Variants in AFG3L2 observed in about 807,000 individuals in gnomAD.
The protein encoded by AFG3L2 is mitochondrial inner membrane m-AAA protease component AFG3L2.
Under a neutral mutation model 94.5 loss-of-function variants are expected in AFG3L2, and 54 were observed. That is an observed-to-expected ratio of 0.57 (90% CI 0.46 to 0.72). The LOEUF is 0.72. Among genes scored for constraint, AFG3L2 ranks in the 30% least tolerant of loss-of-function variants. The pLI is 0.00. For missense variants in AFG3L2, 754 were observed against 994.9 expected, an observed-to-expected ratio of 0.76 and a Z score of 3.26; for synonymous variants, 377 against 365.5, an observed-to-expected ratio of 1.03 and a Z score of -0.36.
rs1327269134 is a variant in AFG3L2, at chr18:12,366,762, G to T, written c.552+203C>A. Among the ~76,000 whole-genome samples the T allele has an allele frequency of 2.0e-5, 3 of 152,340 alleles. No individual in the cohort carries two copies. In the East Asian group the frequency reaches 5.8e-4, roughly 29 times the overall value. On this transcript the variant is annotated intron_variant, in intron 5 of 16. Coordinates refer to ENST00000269143, the MANE Select transcript of AFG3L2 (RefSeq NM_006796.3). Reference sequence around the variant, plus strand: ...AGTTCTGGGAGGTAGTGAAATAAAAGAATTTGTGGGTAAATTTGAGGACAC... The same window carrying T: ...AGTTCTGGGAGGTAGTGAAATAAAATAATTTGTGGGTAAATTTGAGGACAC...
At position 12,370,862 on chromosome 18, in the gene AFG3L2, C is replaced by T. The variant is rs1207533781; in HGVS notation, c.279G>A (p.Met93Ile). The stretch of plus-strand genomic sequence containing the variant: ...GTCAAAAGGTACCTTTTTTCTCTCC[C>T]ATAACTTCTTTAGGTTCACTAGCTT... ...GKKASEPKEV[M>I]GEKKESKPAA... The change falls in exon 3 of 17, where the codon ATG (methionine) becomes ATA (isoleucine). Residue 93 changes from methionine to isoleucine, a missense_variant. Physicochemically the swap from Met to Ile is conservative, Grantham distance 10. Around this residue, in one of 4 missense-constraint regions of AFG3L2, gnomAD observed 236 missense variants for 214.0 expected, o/e 1.10. Transcript: ENST00000269143. The T allele has an allele frequency of 6.9e-6, 11 of 1,583,558 alleles. 1 individual carries two copies. The East Asian group carries it at 1.3e-4, about 19-fold the overall frequency.
At chr18:12,370,076 A>AT (rs1908933020) in intron 3 of AFG3L2, among the ~76,000 whole-genome samples, 2 of 151,178 alleles carry the variant, frequency 1.3e-5, no homozygotes, top group Non-Finnish European at 2.9e-5. Flanking sequence ...AAAAAAAAAA[A>AT]AAGCAAGGAA....
chr18:12,329,622 C>A lies in AFG3L2; in HGVS notation c.2337G>T (p.Trp779Cys). 6.2e-7 allele frequency: 1 copy of A among 1,614,192 alleles called. No individual in the cohort carries two copies. The highest frequency in any genetic ancestry group is 1.1e-5 in the South Asian group (1 of 91,082). ...CTTTCTCCTTTTCCCGCTCCTTGTT[C>A]CAGTCCTTAAGGCCTTCTGGAAGTG... is the stretch of plus-strand genomic sequence containing the variant. The part of the protein sequence containing the change: ...DTSLPEGLKD[W>C]NKEREKEKEE... The change falls in exon 17 of 17, where the codon TGG becomes TGT. Residue 779 changes from tryptophan to cysteine, a missense_variant. By Grantham distance (215) the Trp-to-Cys change is radical (BLOSUM62 -2). This residue lies in a region of AFG3L2 where 279 missense variants were observed against 378.6 expected (regional missense o/e 0.74). Coordinates refer to ENST00000269143, the MANE Select transcript of AFG3L2 (RefSeq NM_006796.3).
intron 1 of AFG3L2, among the ~76,000 whole-genome samples, 161 bp from the exon 2 acceptor site, chr18:12,371,852 CACTAGGCCACTGATTCCAGCAAA>C (rs1477092651): frequency 2.6e-5 from 4 of 152,176 alleles, no homozygotes; most frequent in African/African-American, 9.7e-5. Flanking sequence ...GATTACCTAG[CACTAGGCCACTGATTCCAGCAAA>C]AGAACCAGGA....
At chr18:12,344,844 G>A (rs73398081) in intron 13 of AFG3L2, among the ~76,000 whole-genome samples, 3,900 of 152,150 alleles carry the variant, frequency 0.026, 153 homozygotes, top group African/African-American at 0.09. Flanking sequence ...TCACTTTTAA[G>A]CCACACACCC....
At chr18:12,335,786 T>G (rs1199780434) in intron 16 of AFG3L2, among the ~76,000 whole-genome samples, 1 of 152,228 alleles carries the variant, frequency 6.6e-6, no homozygotes, top group African/African-American at 2.4e-5. Flanking sequence ...ACTCTGCCCA[T>G]GCTGGCCTTT....
intron 9 of AFG3L2, 111 bp downstream of exon 9, chr18:12,356,583 A>T: frequency 1.3e-6 from 2 of 1,490,184 alleles, no homozygotes; most frequent in Non-Finnish European, 1.9e-6. Flanking sequence ...GGGACTGGTG[A>T]GAGGTCACTC....
Position 12,374,153 on chromosome 18 carries a change from G to A in AFG3L2, c.115-2462C>T, listed in dbSNP as rs1909072549. 3.9e-5 allele frequency among the ~76,000 whole-genome samples: 6 copies of A among 152,270 alleles called. No individual in the cohort carries two copies. In the South Asian group the frequency reaches 1.2e-3, roughly 32 times the overall value. On this transcript the variant is annotated intron_variant, in intron 1 of 16. Transcript: ENST00000269143. ...AATCCGTGACTGAATTTAACACTGA[G>A]GTTGTGTTCTATGAAGAAATCATCA...
chr18:12,332,123 ATTTTTT>A lies in AFG3L2; in HGVS notation c.2176-2346_2176-2341del, dbSNP rs10689491. ...AATTATAAGTTGATCTCATAAAATG[ATTTTTT>A]TTTTTTTTTTTTGAGACAGAGTCTT... On this transcript the variant is annotated intron_variant, in intron 16 of 16. Transcript: ENST00000269143. Among the ~76,000 whole-genome samples the A allele has an allele frequency of 3.0e-5, 4 of 131,712 alleles. No individual in the cohort carries two copies. The Admixed American group carries it at 3.2e-4, about 10-fold the overall frequency. 86.4% of individuals were successfully genotyped at this position (131,712 alleles called of 152,430 possible).
At chr18:12,361,808 T>C (rs943337112) in intron 6 of AFG3L2, among the ~76,000 whole-genome samples, 1 of 152,218 alleles carries the variant, frequency 6.6e-6, no homozygotes, top group African/African-American at 2.4e-5. Flanking sequence ...AACATAACAG[T>C]ATTTGGTAAA....
chr18:12,351,642 G>C (rs2143166736), intron 10 of AFG3L2, among the ~76,000 whole-genome samples: 1 of 151,964 alleles, frequency 6.6e-6, no homozygotes, highest in Admixed American at 6.6e-5. Flanking sequence ...CGCTTCCCAG[G>C]TTCAAGCAAT....
At chr18:12,354,484 C>T (rs1418169061) in intron 9 of AFG3L2, among the ~76,000 whole-genome samples, 1 of 152,194 alleles carries the variant, frequency 6.6e-6, no homozygotes, top group Non-Finnish European at 1.5e-5. Flanking sequence ...AGGCACTCCA[C>T]CCCACTGTGC....
Position 12,348,364 on chromosome 18 carries a change from G to A in AFG3L2, c.1572C>T (p.Val524=), listed in dbSNP as rs1439215739. 2 of 1,614,050 alleles carry A rather than the reference G, an allele frequency of 1.2e-6. No individual in the cohort carries two copies. Among genetic ancestry groups the A allele is most frequent in the Non-Finnish European group, 1.7e-6 (2 of 1,179,992 alleles). ...PGFSGADVAN[V]CNEAALIAAR... Reference sequence around the variant, plus strand: ...CAGCAATCAACGCAGCTTCATTACAGACATTAGCAACATCAGCACCTAAAA... The same window carrying A: ...CAGCAATCAACGCAGCTTCATTACAAACATTAGCAACATCAGCACCTAAAA... The change falls in exon 13 of 17, where the codon GTC becomes GTT. Residue 524 remains valine, a synonymous_variant. Transcript: ENST00000269143.
intron 10 of AFG3L2, among the ~76,000 whole-genome samples, chr18:12,351,956 G>C (rs939399340): frequency 6.6e-5 from 10 of 152,256 alleles, no homozygotes; most frequent in African/African-American, 2.4e-4. Flanking sequence ...ATTTCCTAAA[G>C]ACAAATGACC....
In AFG3L2 at chr18:12,367,075, G is replaced by A. The variant is rs753776330; in HGVS notation, c.442C>T (p.Leu148Phe). ...CCACCCCAGAACAGAGCAGTCCAGA[G>A]GAAGAACATCCTGAAATCCTTGTCG... ...WDDKDFRMFFLWTALFWGGVM... is the reference protein window; with the variant it reads ...WDDKDFRMFFFWTALFWGGVM... Residue 148 changes from leucine (L) to phenylalanine (F), a missense_variant, in exon 5 of 17, where the codon CTC becomes TTC. By Grantham distance (22) the Leu-to-Phe change is conservative. Around this residue, in one of 4 missense-constraint regions of AFG3L2, gnomAD observed 236 missense variants for 214.0 expected, o/e 1.10. Coordinates refer to ENST00000269143, the MANE Select transcript of AFG3L2 (RefSeq NM_006796.3). 2.5e-6 allele frequency: 4 copies of A among 1,614,076 alleles called. No homozygotes were observed. The South Asian group carries it at 4.4e-5, about 18-fold the overall frequency.
intron 12 of AFG3L2, among the ~76,000 whole-genome samples, chr18:12,349,285 A>G (rs1326215137): frequency 6.6e-6 from 1 of 152,186 alleles, no homozygotes; most frequent in African/African-American, 2.4e-5. Flanking sequence ...GGATGTGGAG[A>G]AACTGGGACC....
chr18:12,365,746 A>G (rs1358481612), intron 5 of AFG3L2, among the ~76,000 whole-genome samples: 1 of 152,204 alleles, frequency 6.6e-6, no homozygotes, highest in Admixed American at 6.5e-5. Context: ...TACCTCAGTA[A>G]GTATTCATGT....
chr18:12,356,800 C>G lies in AFG3L2; in HGVS notation c.1058G>C (p.Gly353Ala). The stretch of plus-strand genomic sequence containing the variant: ...TGTGGCCTTAGCTAGCAGCGTCTTC[C>G]CAGTGCCTGGAGGACCAGTGAGAAT... ...GAILTGPPGTGKTLLAKATAG... is the reference protein window; with the variant it reads ...GAILTGPPGTAKTLLAKATAG... The change falls in exon 9 of 17, where the codon GGG (glycine) becomes GCG (alanine). Residue 353 changes from glycine to alanine, a missense_variant. Coordinates refer to ENST00000269143, the MANE Select transcript of AFG3L2 (RefSeq NM_006796.3). 1 of 1,614,130 alleles carries G rather than the reference C, an allele frequency of 6.2e-7. No individual in the cohort carries two copies. The highest frequency in any genetic ancestry group is 8.5e-7 in the Non-Finnish European group (1 of 1,180,018).
chr18:12,367,517 A>G, intron 3 of AFG3L2, 135 bp from the exon 4 acceptor site: 2 of 818,480 alleles, frequency 2.4e-6, no homozygotes, highest in South Asian at 2.8e-5. Context: ...TAAGTGAAGC[A>G]CTATGAGAAA....
Sources: gnomAD v4.1 joint callset for allele counts (sites outside exome capture counted in the v4.1 genomes callset) on GRCh38, gnomAD v4.1.1 for gene constraint, gnomAD v4.1.1 regional missense constraint, MANE v1.5 for transcripts, NCBI Gene and HGNC (gene_info 2026-07-23, HGNC 2026-07-21) for gene names.